PEX5L: variants seen among roughly 807,000 people sequenced by gnomAD.
PEX5L encodes the protein PEX5-related protein.
A neutral mutation model predicts 84.0 loss-of-function variants in PEX5L; 30 were observed. That is an observed-to-expected ratio of 0.36 (90% CI 0.27 to 0.48). PEX5L has a LOEUF of 0.48. Ranked by LOEUF, PEX5L falls within the 20% of genes least tolerant of loss-of-function variation. The pLI is 0.99. For synonymous variants in PEX5L, 270 were observed against 283.1 expected (o/e 0.95, Z 0.46); for missense variants, 533 against 754.6 (o/e 0.71, Z 3.44).
intron 4 of PEX5L, among the ~76,000 whole-genome samples, chr3:179,882,660 G>A (rs1029894593): frequency 7.9e-5 from 12 of 152,186 alleles, no homozygotes; most frequent in African/African-American, 2.9e-4. Context: ...TTAAAAGTAA[G>A]AATCTTATTG....
chr3:179,935,320 C>A (rs981897894), intron 2 of PEX5L, among the ~76,000 whole-genome samples: 3 of 152,186 alleles, frequency 2.0e-5, no homozygotes, highest in Admixed American at 6.5e-5. Context: ...CTACAACAAA[C>A]TAGTAGAAAT....
At chr3:180,010,904 C>A (rs1438809364) in intron 1 of PEX5L, among the ~76,000 whole-genome samples, 2 of 152,036 alleles carry the variant, frequency 1.3e-5, no homozygotes, top group African/African-American at 4.8e-5. Flanking sequence ...CTTAATCTCA[C>A]CTATGAAATG....
At chr3:179,980,432 A>G (rs1786219082) in intron 1 of PEX5L, among the ~76,000 whole-genome samples, 1 of 152,118 alleles carries the variant, frequency 6.6e-6, no homozygotes, top group Non-Finnish European at 1.5e-5. Context: ...TCTCACCCCT[A>G]GATTCCATGG....
intron 8 of PEX5L, among the ~76,000 whole-genome samples, chr3:179,852,618 T>C (rs1577615084): frequency 1.3e-5 from 2 of 152,252 alleles, no homozygotes; most frequent in African/African-American, 4.8e-5. Context: ...TAGAATTTAA[T>C]AGTCTCAACT....
rs766115029 is a variant in PEX5L at position 179,887,733 on chromosome 3, C to A, written c.250G>T (p.Asp84Tyr). Reference protein sequence around the residue: ...SRPLLSPSIDDFLCETKSEAI... With the variant: ...SRPLLSPSIDYFLCETKSEAI... ...TCCGATTTGGTTTCACAGAGAAAGT[C>A]ATCGATGGAGGGACTCAGGAGGGGT... Residue 84 changes from aspartate (D) to tyrosine (Y), a missense_variant, in exon 4 of 15, where the codon GAC becomes TAC. Around this residue, in one of 8 missense-constraint regions of PEX5L, gnomAD observed 259 missense variants for 301.7 expected, o/e 0.86. Transcript: ENST00000467460. 2.5e-6 allele frequency: 4 copies of A among 1,614,024 alleles called. No homozygotes were observed. Among genetic ancestry groups the A allele is most frequent in the South Asian group, 1.1e-5 (1 of 91,080 alleles).
chr3:179,972,725 T>C (rs955260551), intron 1 of PEX5L, among the ~76,000 whole-genome samples: 3 of 152,176 alleles, frequency 2.0e-5, no homozygotes, highest in Admixed American at 6.6e-5. Context: ...ATCTTCACAC[T>C]GTGAGCACAA....
At chr3:179,818,677 C>T (rs117320299) in intron 9 of PEX5L, among the ~76,000 whole-genome samples, 1 of 151,374 alleles carries the variant, frequency 6.6e-6, no homozygotes, top group East Asian at 1.9e-4. Context: ...TTAAATTTAG[C>T]TCCCACAAAC....
intron 8 of PEX5L, among the ~76,000 whole-genome samples, chr3:179,850,704 G>T (rs990199379): frequency 1.3e-5 from 2 of 152,156 alleles, no homozygotes; most frequent in African/African-American, 4.8e-5. Flanking sequence ...TTAACTTCAA[G>T]ATTTCTTTAA....
chr3:179,874,866 C>T lies in PEX5L; in HGVS notation c.630-443G>A, dbSNP rs1050201272. 2.0e-4 allele frequency among the ~76,000 whole-genome samples: 29 copies of T among 147,352 alleles called. 1 individual carries two copies. Among genetic ancestry groups the T allele is most frequent in the South Asian group, 2.0e-3 (9 of 4,614 alleles). ...GGAGATGTGGCAGGGCAGTAGGAGA[C>T]GGAAGCCAGACACTGCCCTTTAGGA... On this transcript the variant is annotated intron_variant, in intron 6 of 14. Coordinates refer to ENST00000467460, the MANE Select transcript of PEX5L (RefSeq NM_016559.3).
At chr3:179,900,604 G>A (rs1252012649) in intron 2 of PEX5L, 4 of 1,106,026 alleles carry the variant, frequency 3.6e-6, no homozygotes, top group Middle Eastern at 3.9e-4. Flanking sequence ...ACAAAGCAGT[G>A]GTCAGCTAGA....
chr3:179,858,905 C>G (rs1474958213), intron 8 of PEX5L, among the ~76,000 whole-genome samples, 157 bp downstream of exon 8: 1 of 152,190 alleles, frequency 6.6e-6, no homozygotes, highest in Non-Finnish European at 1.5e-5. Flanking sequence ...ATACCAGATT[C>G]TGTACCAAAT....
intron 8 of PEX5L, among the ~76,000 whole-genome samples, chr3:179,846,431 T>G (rs1405427019): frequency 1.3e-5 from 2 of 152,194 alleles, no homozygotes; most frequent in Non-Finnish European, 2.9e-5. Flanking sequence ...ACACTAGAAC[T>G]TATTCTATCT....
chr3:179,807,297 G>A (rs1721693378), intron 14 of PEX5L, among the ~76,000 whole-genome samples: 1 of 152,122 alleles, frequency 6.6e-6, no homozygotes, highest in South Asian at 2.1e-4. Flanking sequence ...ACACCCCCAA[G>A]GCTCTTTTTT....
At chr3:179,886,086 GCT>G (rs748290097) in intron 4 of PEX5L, among the ~76,000 whole-genome samples, 22 of 152,226 alleles carry the variant, frequency 1.4e-4, no homozygotes, top group Non-Finnish European at 3.2e-4. Context: ...ATCTTATATT[GCT>G]CTCTCAGGGT....
At chr3:179,915,900 A>G (rs1766889731) in intron 2 of PEX5L, among the ~76,000 whole-genome samples, 1 of 152,232 alleles carries the variant, frequency 6.6e-6, no homozygotes, top group Non-Finnish European at 1.5e-5. Context: ...AATAACTACC[A>G]AAATAGTATT....
intron 1 of PEX5L, among the ~76,000 whole-genome samples, chr3:179,985,195 C>T (rs1038530006): frequency 1.3e-5 from 2 of 152,122 alleles, no homozygotes; most frequent in African/African-American, 4.8e-5. Context: ...ATTCCAAGGC[C>T]TCTAGAACAG....
At chr3:179,960,789 CA>C (rs1781807604) in intron 2 of PEX5L, among the ~76,000 whole-genome samples, 1 of 152,082 alleles carries the variant, frequency 6.6e-6, no homozygotes, top group African/African-American at 2.4e-5. Context: ...TCAACTTATG[CA>C]ACATAGCTCA....
At chr3:180,010,175 G>A (rs1215940506) in intron 1 of PEX5L, among the ~76,000 whole-genome samples, 1 of 151,486 alleles carries the variant, frequency 6.6e-6, no homozygotes, top group Non-Finnish European at 1.5e-5. Context: ...TCAATCTCCT[G>A]ACCGTGTGAT....
intron 2 of PEX5L, among the ~76,000 whole-genome samples, chr3:179,948,813 G>A (rs1252952152): frequency 6.6e-6 from 1 of 152,140 alleles, no homozygotes; most frequent in Non-Finnish European, 1.5e-5. Context: ...AGCTTCTAAA[G>A]CTATTAATGT....
Sources: gnomAD v4.1 joint callset for allele counts (sites outside exome capture counted in the v4.1 genomes callset) on GRCh38, gnomAD v4.1.1 for gene constraint, gnomAD v4.1.1 regional missense constraint, MANE v1.5 for transcripts, NCBI Gene and HGNC (gene_info 2026-07-23, HGNC 2026-07-21) for gene names.